The following NKX1-2 variants were observed in gnomAD, a reference collection of about 807,000 sequenced individuals.
The protein encoded by NKX1-2 is NK1 transcription factor-related protein 2.
In NKX1-2, 1 loss-of-function variant was observed where a neutral mutation model predicts 4.4. The ratio of observed to expected loss-of-function variants is 0.23; its 90% CI spans 0.08 to 1.08. The LOEUF is 1.08. NKX1-2 is among the 50% of genes least tolerant of loss of function. The pLI is 0.55. For missense variants in NKX1-2, 503 were observed against 464.6 expected (o/e 1.08, Z -0.76); for synonymous variants, 235 against 228.0 (o/e 1.03, Z -0.28).
In NKX1-2 at chr10:124,447,755, TG is replaced by T. The variant is rs1485115032; in HGVS notation, c.606del (p.Thr203ProfsTer82). The T allele has an allele frequency of 1.4e-6, 2 of 1,479,114 alleles. No individual in the cohort carries two copies. The highest frequency in any genetic ancestry group is 2.9e-5 in the African/African-American group (2 of 68,420). 91.6% of individuals were successfully genotyped at this position (1,479,114 alleles called of 1,614,324 possible). ...AACCAGATTTTGACCTGCGTCTCGG[TG>T]AGGCTGAGAGACAGCGCGAGGTTCA... ...ERLNLALSLS[L>X]TETQVKIWFQ... is the part of the protein sequence containing the mutation. On this transcript the variant is annotated frameshift_variant, in exon 2 of 2. Transcript: ENST00000451024. LOFTEE classifies it low-confidence loss of function (END_TRUNC).
chr10:124,448,182 C>A lies in NKX1-2; in HGVS notation c.215-35G>T. ...AAGGGGTCGGTGAACAGAAGCCTCT[C>A]CAGGTCCCCAAACCTCGTCCTCGTC... On this transcript the variant is annotated intron_variant, in intron 1 of 1. Transcript: ENST00000451024. The surrounding 1 kb of genome is among the most constrained non-coding windows in gnomAD (Gnocchi z 4.1). 7.1e-7 allele frequency: 1 copy of A among 1,405,300 alleles called. No individual in the cohort carries two copies. Among genetic ancestry groups the A allele is most frequent in the South Asian group, 1.5e-5 (1 of 65,778 alleles). The allele number at this position is 1,405,300 out of a possible 1,614,324, so 87.1% of individuals were successfully genotyped here. A position where few individuals can be genotyped will look rare whatever the true frequency, so the allele number is the denominator to read the frequency against.
rs1564754125 is a variant in NKX1-2 at position 124,449,866 on chromosome 10, C to G, written c.78G>C (p.Leu26=). ...CTGCGCGGGTGAATTTCTGTGGGTC[C>G]AGGATGTCCAGGACAGAGAAAGAAA... ...HKISFSVLDI[L]DPQKFTRAAL... The change falls in exon 1 of 2, where the codon CTG becomes CTC. Residue 26 remains leucine, a synonymous_variant. Transcript: ENST00000451024. The surrounding 1 kb of genome is among the most constrained non-coding windows in gnomAD (Gnocchi z 7.5). The G allele has an allele frequency of 6.4e-7, 1 of 1,551,510 alleles. No individual in the cohort carries two copies. Among genetic ancestry groups the G allele is most frequent in the Non-Finnish European group, 8.7e-7 (1 of 1,146,956 alleles).
rs1177488422 is a variant in NKX1-2, at chr10:124,447,849, G to A, written c.513C>T (p.Thr171=). ...TCTCCAAGGCCACCAGCTGCTCGTA[G>A]GTGAAGGCGGTGCGCGCGCGCCGCG... ...AKPRRARTAF[T]YEQLVALENK... The change falls in exon 2 of 2, where the codon ACC becomes ACT. Residue 171 remains threonine, a synonymous_variant. Transcript: ENST00000451024. 6.9e-6 allele frequency: 10 copies of A among 1,459,144 alleles called. No individual in the cohort carries two copies. The African/African-American group carries it at 1.2e-4, about 17-fold the overall frequency. 90.4% of individuals were successfully genotyped at this position (1,459,144 alleles called of 1,614,324 possible).
Position 124,447,837 on chromosome 10 carries a change from C to A in NKX1-2, c.525G>T (p.Leu175=). 6.8e-7 allele frequency: 1 copy of A among 1,471,976 alleles called. No homozygotes were observed. The highest frequency in any genetic ancestry group is 9.1e-7 in the Non-Finnish European group (1 of 1,104,000). The allele number at this position is 1,471,976 out of a possible 1,614,324, so 91.2% of individuals were successfully genotyped here. ...RARTAFTYEQ[L]VALENKFRAT... ...CCCGGAACTTGTTCTCCAAGGCCAC[C>A]AGCTGCTCGTAGGTGAAGGCGGTGC... The change falls in exon 2 of 2, where the codon CTG becomes CTT. Residue 175 remains leucine, a synonymous_variant. Transcript: ENST00000451024.
rs1293011641 is a variant in NKX1-2 at position 124,449,976 on chromosome 10, C to T, written c.-33G>A. ...GCCCACGGGCCGGCGGTCGGCGGCG[C>T]GGGGTTGGGGATGGCGCCGCTCGGG... On this transcript the variant is annotated 5_prime_UTR_variant, in exon 1 of 2. Coordinates refer to ENST00000451024, the MANE Select transcript of NKX1-2 (RefSeq NM_001146340.3). This position sits in a 1 kb window ranked among gnomAD's most constrained non-coding sequence, Gnocchi z 7.5. 2 of 1,466,994 alleles carry T rather than the reference C, an allele frequency of 1.4e-6. No homozygotes were observed. Among genetic ancestry groups the T allele is most frequent in the African/African-American group, 2.8e-5 (2 of 70,728 alleles). The allele number at this position is 1,466,994 out of a possible 1,614,324, so 90.9% of individuals were successfully genotyped here. A position where few individuals can be genotyped will look rare whatever the true frequency, so the allele number is the denominator to read the frequency against.
Position 124,445,268 on chromosome 10 carries a change from C to A in NKX1-2, c.*2161G>T, listed in dbSNP as rs748385799. The A allele has an allele frequency of 6.6e-6, 1 of 152,166 alleles. No homozygotes were observed. The allele number at this position is 152,166 out of a possible 1,614,324, so 9.4% of individuals were successfully genotyped here. On this transcript the variant is annotated 3_prime_UTR_variant, in exon 2 of 2. Coordinates refer to ENST00000451024, the MANE Select transcript of NKX1-2 (RefSeq NM_001146340.3). ...TTTACTACAAAAAGAATTTATTAGA[C>A]AAACACACCAATAGATTGAGTCTAA... is the stretch of plus-strand genomic sequence containing the variant.
rs1439318796 is a variant in NKX1-2 at position 124,445,404 on chromosome 10, A to G, written c.*2025T>C. ...GGAAACCAGAAGGGTCAGGAATTAC[A>G]GCACCGTGCTGGGCCACGAACAGAT... On this transcript the variant is annotated 3_prime_UTR_variant, in exon 2 of 2. Coordinates refer to ENST00000451024, the MANE Select transcript of NKX1-2 (RefSeq NM_001146340.3). 1 of 152,236 alleles carries G rather than the reference A, an allele frequency of 6.6e-6. No individual in the cohort carries two copies. The highest frequency in any genetic ancestry group is 2.4e-5 in the African/African-American group (1 of 41,470). The allele number at this position is 152,236 out of a possible 1,614,324, so 9.4% of individuals were successfully genotyped here.
At position 124,448,905 on chromosome 10, in the gene NKX1-2, A is replaced by G. The variant is rs1047722474; in HGVS notation, c.215-758T>C. On this transcript the variant is annotated intron_variant, in intron 1 of 1. Coordinates refer to ENST00000451024, the MANE Select transcript of NKX1-2 (RefSeq NM_001146340.3). This position sits in a 1 kb window ranked among gnomAD's most constrained non-coding sequence, Gnocchi z 4.1. The stretch of plus-strand genomic sequence containing the variant: ...GGCCGCCAGAGGCGCCCCGGGCCCC[A>G]GGCAATCACCGCCAAACTTGGGGAG... Among the ~76,000 whole-genome samples the G allele has an allele frequency of 3.3e-5, 5 of 152,108 alleles. No individual in the cohort carries two copies. Among genetic ancestry groups the G allele is most frequent in the African/African-American group, 1.2e-4 (5 of 41,436 alleles).
At position 124,449,627 on chromosome 10, in the gene NKX1-2, G is replaced by C. The variant is rs995482027; in HGVS notation, c.214+103C>G. On this transcript the variant is annotated intron_variant, in intron 1 of 1. Transcript: ENST00000451024. This position sits in a 1 kb window ranked among gnomAD's most constrained non-coding sequence, Gnocchi z 7.5. ...CGGTCCCGTGCGCCTTCTCTCTGAG[G>C]AAGACGCTGTTAAGGGCCACTCACC... 3 of 883,796 alleles carry C rather than the reference G, an allele frequency of 3.4e-6. No individual in the cohort carries two copies. In the African/African-American group the frequency reaches 4.9e-5, roughly 15 times the overall value. 54.7% of individuals were successfully genotyped at this position (883,796 alleles called of 1,614,324 possible).
In NKX1-2 at chr10:124,447,363, C is replaced by T. The variant is rs139224458; in HGVS notation, c.*66G>A. 3.5e-3 allele frequency: 3,530 copies of T among 1,022,066 alleles called. 124 individuals are homozygous for T. The East Asian group carries it at 0.088, about 26-fold the overall frequency. 63.3% of individuals were successfully genotyped at this position (1,022,066 alleles called of 1,614,324 possible). ...CGCACCTGCACCCCCGGTGGAGGAGCCGAGGGCACACGACGATGCCAATCC... is the reference window on the plus strand; with the variant it reads ...CGCACCTGCACCCCCGGTGGAGGAGTCGAGGGCACACGACGATGCCAATCC... On this transcript the variant is annotated 3_prime_UTR_variant, in exon 2 of 2. Transcript: ENST00000451024.
Position 124,447,400 on chromosome 10 carries a change from C to G in NKX1-2, c.*29G>C. On this transcript the variant is annotated 3_prime_UTR_variant, in exon 2 of 2. Transcript: ENST00000451024. ...GACGATGCCAATCCCTCGTGAATCC[C>G]GCGAAAGAGGGGCCAGGGGGCTCCG... 3.2e-6 allele frequency: 4 copies of G among 1,238,202 alleles called. No homozygotes were observed. The highest frequency in any genetic ancestry group is 4.1e-6 in the Non-Finnish European group (4 of 979,196). The allele number at this position is 1,238,202 out of a possible 1,614,324, so 76.7% of individuals were successfully genotyped here.
chr10:124,447,668 C>T lies in NKX1-2; in HGVS notation c.694G>A (p.Gly232Arg), dbSNP rs763815659. 42 of 1,385,166 alleles carry T rather than the reference C, an allele frequency of 3.0e-5. No individual in the cohort carries two copies. In the Middle Eastern group the frequency reaches 1.1e-3, roughly 37 times the overall value. The allele number at this position is 1,385,166 out of a possible 1,614,324, so 85.8% of individuals were successfully genotyped here. A position where few individuals can be genotyped will look rare whatever the true frequency, so the allele number is the denominator to read the frequency against. Residue 232 changes from glycine (G) to arginine (R), a missense_variant, in exon 2 of 2, where the codon GGG (glycine) becomes AGG (arginine). Physicochemically the swap from Gly to Arg is moderately radical, Grantham distance 125. Coordinates refer to ENST00000451024, the MANE Select transcript of NKX1-2 (RefSeq NM_001146340.3). The stretch of plus-strand genomic sequence containing the variant: ...GCCCCTGGCTGGGGCGCGCCACCCC[C>T]CACCTGCGCCGCGCCGTCGGCACCC... ...NPGADGAAQV[G>R]GGAPQPGAAG...
Position 124,447,860 on chromosome 10 carries a change from TGC to T in NKX1-2, c.500_501del (p.Arg167HisfsTer227), listed in dbSNP as rs1409351399. On this transcript the variant is annotated frameshift_variant, in exon 2 of 2. Coordinates refer to ENST00000451024, the MANE Select transcript of NKX1-2 (RefSeq NM_001146340.3). LOFTEE classifies it low-confidence loss of function (END_TRUNC). ...EPNCAKPRRA[R>X]TAFTYEQLVA... ...ACCAGCTGCTCGTAGGTGAAGGCGG[TGC>T]GCGCGCGCCGCGGCTTGGCGCAGTT... 6.3e-6 allele frequency: 9 copies of T among 1,438,724 alleles called. No homozygotes were observed. Among genetic ancestry groups the T allele is most frequent in the Admixed American group, 5.0e-5 (2 of 39,636 alleles). The allele number at this position is 1,438,724 out of a possible 1,614,324, so 89.1% of individuals were successfully genotyped here.
In NKX1-2 at chr10:124,447,188, T is replaced by C. The variant is rs2133790764; in HGVS notation, c.*241A>G. 2.6e-6 allele frequency: 1 copy of C among 379,178 alleles called. No individual in the cohort carries two copies. The highest frequency in any genetic ancestry group is 3.8e-5 in the East Asian group (1 of 26,382). 23.5% of individuals were successfully genotyped at this position (379,178 alleles called of 1,614,324 possible). A position where few individuals can be genotyped will look rare whatever the true frequency, so the allele number is the denominator to read the frequency against. On this transcript the variant is annotated 3_prime_UTR_variant, in exon 2 of 2. Transcript: ENST00000451024. ...ACTAGCCCCTGAACTGAATTAAACC[T>C]GACCCAAAGTGAACAGCAAGGTCCA...
rs1467325496 is a variant in NKX1-2 at position 124,449,972 on chromosome 10, G to A, written c.-29C>T. Reference sequence around the variant, plus strand: ...CGTCGCCCACGGGCCGGCGGTCGGCGGCGCGGGGTTGGGGATGGCGCCGCT... The same window carrying A: ...CGTCGCCCACGGGCCGGCGGTCGGCAGCGCGGGGTTGGGGATGGCGCCGCT... On this transcript the variant is annotated 5_prime_UTR_variant, in exon 1 of 2. Transcript: ENST00000451024. This position sits in a 1 kb window ranked among gnomAD's most constrained non-coding sequence, Gnocchi z 7.5. The A allele has an allele frequency of 7.3e-6, 11 of 1,500,034 alleles. No homozygotes were observed. The East Asian group carries it at 2.2e-4, about 31-fold the overall frequency. The allele number at this position is 1,500,034 out of a possible 1,614,324, so 92.9% of individuals were successfully genotyped here.
Position 124,448,060 on chromosome 10 carries a change from G to C in NKX1-2, c.302C>G (p.Pro101Arg), listed in dbSNP as rs1479502844. The change falls in exon 2 of 2, where the codon CCG becomes CGG. Residue 101 changes from proline (P) to arginine (R), a missense_variant. Transcript: ENST00000451024. This position sits in a 1 kb window ranked among gnomAD's most constrained non-coding sequence, Gnocchi z 4.1. ...GCGCGCAGCCCGCTCCCGCAGCCGC[G>C]GCCTCCTCGGATCCTCCGCATCCTC... Reference protein sequence around the residue: ...EEEDAEDPRRPRLRERAARLL... With the variant: ...EEEDAEDPRRRRLRERAARLL... The C allele has an allele frequency of 6.6e-6, 10 of 1,519,840 alleles. No homozygotes were observed. The highest frequency in any genetic ancestry group is 1.2e-5 in the South Asian group (1 of 83,152). 94.1% of individuals were successfully genotyped at this position (1,519,840 alleles called of 1,614,324 possible).
rs1427315676 is a variant in NKX1-2 at position 124,449,553 on chromosome 10, C to A, written c.214+177G>T. The stretch of plus-strand genomic sequence containing the variant: ...ATCCCTGCCCTGTAATGCGGGGAGC[C>A]TCCTCTCTGCCTCTATCCAAGTCCG... On this transcript the variant is annotated intron_variant, in intron 1 of 1. Transcript: ENST00000451024. This position sits in a 1 kb window ranked among gnomAD's most constrained non-coding sequence, Gnocchi z 7.5. The A allele has an allele frequency of 1.4e-6, 1 of 704,090 alleles. No homozygotes were observed. Among genetic ancestry groups the A allele is most frequent in the Admixed American group, 2.0e-5 (1 of 49,998 alleles). The allele number at this position is 704,090 out of a possible 1,614,324, so 43.6% of individuals were successfully genotyped here. A position where few individuals can be genotyped will look rare whatever the true frequency, so the allele number is the denominator to read the frequency against.
Position 124,449,661 on chromosome 10 carries a change from C to T in NKX1-2, c.214+69G>A. 1.7e-6 allele frequency: 2 copies of T among 1,186,268 alleles called. No homozygotes were observed. The highest frequency in any genetic ancestry group is 2.4e-6 in the Non-Finnish European group (2 of 820,348). 73.5% of individuals were successfully genotyped at this position (1,186,268 alleles called of 1,614,324 possible). ...GTTAAGGGCCACTCACCGGGCCCGG[C>T]TGTTCCCCCATACACTCCGCATTGT... On this transcript the variant is annotated intron_variant, in intron 1 of 1. Coordinates refer to ENST00000451024, the MANE Select transcript of NKX1-2 (RefSeq NM_001146340.3). The surrounding 1 kb of genome is among the most constrained non-coding windows in gnomAD (Gnocchi z 7.5).
rs1952255911 is a variant in NKX1-2, at chr10:124,447,719, TGC to T, written c.641_642del (p.Arg214GlnfsTer180). The T allele has an allele frequency of 6.8e-7, 1 of 1,467,316 alleles. No homozygotes were observed. Among genetic ancestry groups the T allele is most frequent in the Non-Finnish European group, 9.1e-7 (1 of 1,101,672 alleles). The allele number at this position is 1,467,316 out of a possible 1,614,324, so 90.9% of individuals were successfully genotyped here. A position where few individuals can be genotyped will look rare whatever the true frequency, so the allele number is the denominator to read the frequency against. On this transcript the variant is annotated frameshift_variant, in exon 2 of 2. Transcript: ENST00000451024. LOFTEE classifies it low-confidence loss of function (END_TRUNC). Reference sequence around the variant, plus strand: ...GGGTTCTGCTTCTTCCACTTGGTCCTGCGATTCTGGAACCAGATTTTGACCTG... The same window carrying T: ...GGGTTCTGCTTCTTCCACTTGGTCCTGATTCTGGAACCAGATTTTGACCTG... Reference protein sequence around the residue: ...ETQVKIWFQNRRTKWKKQNPG... With the variant: ...ETQVKIWFQNXRTKWKKQNPG...
Sources: allele counts gnomAD v4.1 joint callset (sites outside exome capture counted in the v4.1 genomes callset), GRCh38; gene constraint gnomAD v4.1.1; non-coding constraint Gnocchi (gnomAD v3.1); transcripts MANE v1.5; gene names NCBI Gene and HGNC (gene_info 2026-07-23, HGNC 2026-07-21).